The following C7orf78 variants were observed in gnomAD, a reference collection of about 807,000 sequenced individuals.
C7orf78 encodes the protein chromosome 7 open reading frame 78.
chr7:12,529,177 G>A, the C7orf78 span: 275 of 392,960 alleles, frequency 7.0e-4, 1 homozygote, highest in African/African-American at 5.3e-3. Context: ...GCATATAGCC[G>A]CTGCTTTTTT....
chr7:12,521,644 C>T, the C7orf78 span, among the ~76,000 whole-genome samples: 4 of 124,786 alleles, frequency 3.2e-5, no homozygotes, highest in East Asian at 2.4e-4. Context: ...TGGGTTTGGG[C>T]TTTTTTTTTT....
chr7:12,527,683 T>A, the C7orf78 span, among the ~76,000 whole-genome samples: 1 of 142,020 alleles, frequency 7.0e-6, no homozygotes, highest in Admixed American at 7.0e-5. Flanking sequence ...GTCACTCACT[T>A]TGGTAGAAAA....
At chr7:12,535,928 C>G in the C7orf78 span, among the ~76,000 whole-genome samples, 3 of 152,240 alleles carry the variant, frequency 2.0e-5, no homozygotes, top group Admixed American at 6.5e-5. Flanking sequence ...TGGACTTGGG[C>G]AGCTCCACTC....
the C7orf78 span, among the ~76,000 whole-genome samples, chr7:12,535,927 G>A: frequency 6.6e-6 from 1 of 152,210 alleles, no homozygotes; most frequent in Non-Finnish European, 1.5e-5. Context: ...ATGGACTTGG[G>A]CAGCTCCACT....
the C7orf78 span, among the ~76,000 whole-genome samples, chr7:12,531,536 G>C: frequency 6.6e-6 from 1 of 152,060 alleles, no homozygotes; most frequent in South Asian, 2.1e-4. Context: ...AATTAAATAA[G>C]ATGATATATA....
At chr7:12,503,237 A>C in the C7orf78 span, among the ~76,000 whole-genome samples, 13 of 105,274 alleles carry the variant, frequency 1.2e-4, no homozygotes, top group Non-Finnish European at 2.5e-4. Flanking sequence ...GTATAATAAT[A>C]AACAAATAAA....
At chr7:12,505,986 T>G in the C7orf78 span, 1 of 152,530 alleles carries the variant, frequency 6.6e-6, no homozygotes, top group South Asian at 2.1e-4. Context: ...ATTTATTTTC[T>G]TTTAAAATGT....
At chr7:12,514,905 G>A in the C7orf78 span, among the ~76,000 whole-genome samples, 575 of 151,680 alleles carry the variant, frequency 3.8e-3, 8 homozygotes, top group African/African-American at 0.014. Flanking sequence ...GTATCCATAG[G>A]TGATAGGATT....
At chr7:12,491,798 A>T in the C7orf78 span, 1 of 152,204 alleles carries the variant, frequency 6.6e-6, no homozygotes, top group Non-Finnish European at 1.5e-5. Flanking sequence ...AAAAACAGTG[A>T]TAACATTCTT....
At chr7:12,507,765 T>G in the C7orf78 span, among the ~76,000 whole-genome samples, 1 of 152,234 alleles carries the variant, frequency 6.6e-6, no homozygotes. Flanking sequence ...TAGTGTATTT[T>G]TAATTAGTGC....
the C7orf78 span, among the ~76,000 whole-genome samples, chr7:12,524,904 G>C: frequency 6.6e-6 from 1 of 151,928 alleles, no homozygotes; most frequent in Non-Finnish European, 1.5e-5. Flanking sequence ...ACGGAATAAG[G>C]AATATTTTTA....
chr7:12,531,076 A>G, the C7orf78 span: 7 of 398,360 alleles, frequency 1.8e-5, no homozygotes, highest in Non-Finnish European at 2.7e-5. Flanking sequence ...AAAGTTTACA[A>G]AGATATGCAA....
the C7orf78 span, among the ~76,000 whole-genome samples, chr7:12,535,058 C>T: frequency 6.6e-6 from 1 of 151,864 alleles, no homozygotes; most frequent in East Asian, 1.9e-4. Flanking sequence ...AATGACAAAA[C>T]ATGAAAATGT....
At chr7:12,519,598 T>G in the C7orf78 span, among the ~76,000 whole-genome samples, 1 of 152,214 alleles carries the variant, frequency 6.6e-6, no homozygotes, top group African/African-American at 2.4e-5. Context: ...GTGACACAGT[T>G]AGAGGTGGAG....
chr7:12,488,460 C>G, the C7orf78 span, among the ~76,000 whole-genome samples: 1 of 151,992 alleles, frequency 6.6e-6, no homozygotes, highest in Non-Finnish European at 1.5e-5. Flanking sequence ...GTCAATTATA[C>G]TTTTAGAATA....
At chr7:12,504,715 A>G in the C7orf78 span, among the ~76,000 whole-genome samples, 1 of 152,098 alleles carries the variant, frequency 6.6e-6, no homozygotes, top group African/African-American at 2.4e-5. Flanking sequence ...CCATGATATA[A>G]TAAATAAATA....
At chr7:12,530,012 A>C in the C7orf78 span, among the ~76,000 whole-genome samples, 1 of 151,898 alleles carries the variant, frequency 6.6e-6, no homozygotes, top group African/African-American at 2.4e-5. Context: ...TGCCACAGCA[A>C]TGGTGGGGCT....
the C7orf78 span, chr7:12,541,894 G>A: frequency 8.3e-4 from 126 of 152,264 alleles, no homozygotes; most frequent in Non-Finnish European, 7.4e-4. Context: ...AATAATAAAT[G>A]TCCTTCTTAA....
the C7orf78 span, among the ~76,000 whole-genome samples, chr7:12,505,479 T>C: frequency 6.6e-6 from 1 of 152,120 alleles, no homozygotes; most frequent in South Asian, 2.1e-4. Context: ...TAAATCCTGA[T>C]ACAGAGATTT....
Sources: gnomAD v4.1 joint callset for allele counts (sites outside exome capture counted in the v4.1 genomes callset) on GRCh38, gnomAD v4.1.1 for gene constraint, MANE v1.5 for transcripts, NCBI Gene and HGNC (gene_info 2026-07-23, HGNC 2026-07-21) for gene names.